The following IMMP2L variants were observed in gnomAD, a reference collection of about 807,000 sequenced individuals.
IMMP2L encodes mitochondrial inner membrane protease subunit 2.
A neutral mutation model predicts 19.3 loss-of-function variants in IMMP2L; 18 were observed. The ratio of observed to expected loss-of-function variants is 0.93; its 90% CI spans 0.64 to 1.38. The LOEUF (loss-of-function observed/expected upper bound fraction) is 1.38, where lower values mean the gene tolerates loss of function less well. Ranked by LOEUF, IMMP2L falls within the 40% of genes most tolerant of loss-of-function variation. IMMP2L has a pLI of 0.00. For missense variants in IMMP2L, 233 were observed against 218.2 expected (o/e 1.07, Z -0.43); for synonymous variants, 76 against 73.0 (o/e 1.04, Z -0.21).
At chr7:111,044,726 T>A (rs1792223820) in intron 3 of IMMP2L, among the ~76,000 whole-genome samples, 1 of 152,194 alleles carries the variant, frequency 6.6e-6, no homozygotes, top group East Asian at 1.9e-4. Context: ...GCATGACCAA[T>A]GGAAAGAAAC....
intron 3 of IMMP2L, among the ~76,000 whole-genome samples, chr7:111,368,772 T>C (rs1830017267): frequency 6.6e-6 from 1 of 151,992 alleles, no homozygotes; most frequent in Non-Finnish European, 1.5e-5. Context: ...TATAATCTTA[T>C]TTAGCAGTTC....
At chr7:110,791,694 C>T (rs145928411) in intron 5 of IMMP2L, among the ~76,000 whole-genome samples, 2 of 151,674 alleles carry the variant, frequency 1.3e-5, no homozygotes, top group South Asian at 4.2e-4. Flanking sequence ...ACAGTAAGCC[C>T]CCTAATACCT....
At chr7:110,943,924 C>T (rs1251474112) in intron 4 of IMMP2L, among the ~76,000 whole-genome samples, 2 of 151,930 alleles carry the variant, frequency 1.3e-5, no homozygotes, top group Non-Finnish European at 2.9e-5. Context: ...CCTTCAGCAA[C>T]ATGAAAAACT....
At chr7:111,264,440 T>C (rs1817628620) in intron 3 of IMMP2L, among the ~76,000 whole-genome samples, 2 of 152,184 alleles carry the variant, frequency 1.3e-5, no homozygotes, top group South Asian at 4.1e-4. Flanking sequence ...TTTTATTTTA[T>C]ACATACCCTT....
At chr7:111,121,571 C>G (rs2129588371) in intron 3 of IMMP2L, among the ~76,000 whole-genome samples, 1 of 152,234 alleles carries the variant, frequency 6.6e-6, no homozygotes, top group East Asian at 1.9e-4. Context: ...ATTAAAAAGT[C>G]AGGAAACAAC....
intron 3 of IMMP2L, among the ~76,000 whole-genome samples, chr7:111,349,284 G>C (rs1157024949): frequency 6.6e-6 from 1 of 151,898 alleles, no homozygotes; most frequent in Non-Finnish European, 1.5e-5. Context: ...AAATATGAAG[G>C]AGCACCTATG....
rs539790092 is a variant in IMMP2L, at chr7:110,941,473, C to T, written c.305+22027G>A. Among the ~76,000 whole-genome samples the T allele has an allele frequency of 7.2e-4, 109 of 152,128 alleles. No individual in the cohort carries two copies. In the Middle Eastern group the frequency reaches 0.014, roughly 19 times the overall value. On this transcript the variant is annotated intron_variant, in intron 4 of 5. Coordinates refer to ENST00000405709, the MANE Select transcript of IMMP2L (RefSeq NM_032549.4). Reference sequence around the variant, plus strand: ...AGACATCTCTTCAGTTATTAAGTAACGGTTTGAAATTCTTATAATTATATT... The same window carrying T: ...AGACATCTCTTCAGTTATTAAGTAATGGTTTGAAATTCTTATAATTATATT...
intron 5 of IMMP2L, among the ~76,000 whole-genome samples, chr7:110,737,108 A>G (rs1459558460): frequency 6.6e-6 from 1 of 152,192 alleles, no homozygotes; most frequent in Non-Finnish European, 1.5e-5. Flanking sequence ...CAGCCTGTAG[A>G]GACTCACATC....
At chr7:111,198,470 T>G (rs1269302578) in intron 3 of IMMP2L, among the ~76,000 whole-genome samples, 4 of 151,902 alleles carry the variant, frequency 2.6e-5, no homozygotes, top group Non-Finnish European at 4.4e-5. Context: ...GAACTCAAAG[T>G]TCCTACAACA....
chr7:111,420,130 CT>C (rs1264126087), intron 3 of IMMP2L, among the ~76,000 whole-genome samples: 1 of 151,726 alleles, frequency 6.6e-6, no homozygotes, highest in African/African-American at 2.4e-5. Context: ...TTCAATTGTT[CT>C]AATTATATTT....
At chr7:110,690,920 A>T (rs531133990) in intron 5 of IMMP2L, among the ~76,000 whole-genome samples, 6 of 152,146 alleles carry the variant, frequency 3.9e-5, no homozygotes, top group Non-Finnish European at 8.8e-5. Context: ...GATTGAATGC[A>T]ATCCACATCA....
chr7:111,074,437 C>T (rs376257883), intron 3 of IMMP2L, among the ~76,000 whole-genome samples: 6 of 152,184 alleles, frequency 3.9e-5, no homozygotes, highest in African/African-American at 7.2e-5. Context: ...TCTTAAGGTT[C>T]GGAGCAAAAC....
intron 1 of IMMP2L, among the ~76,000 whole-genome samples, chr7:111,549,883 G>A (rs1418226279): frequency 6.6e-6 from 1 of 151,178 alleles, no homozygotes; most frequent in Non-Finnish European, 1.5e-5. Flanking sequence ...AGAAGTTGCA[G>A]TGAGCCGAGA....
At chr7:111,310,232 C>CAAA (rs11418566) in intron 3 of IMMP2L, among the ~76,000 whole-genome samples, 3 of 134,704 alleles carry the variant, frequency 2.2e-5, no homozygotes, top group Admixed American at 7.6e-5. Flanking sequence ...GACTCCATCT[C>CAAA]AAAAAAAAAA....
At chr7:111,289,221 G>C (rs1820823288) in intron 3 of IMMP2L, among the ~76,000 whole-genome samples, 1 of 151,070 alleles carries the variant, frequency 6.6e-6, no homozygotes, top group African/African-American at 2.4e-5. Flanking sequence ...TGATCAATGA[G>C]AACACATGGA....
intron 3 of IMMP2L, among the ~76,000 whole-genome samples, chr7:111,435,934 C>T (rs900265073): frequency 1.3e-5 from 2 of 151,698 alleles, no homozygotes; most frequent in African/African-American, 4.9e-5. Context: ...TGTAGACAGC[C>T]AGCCTAGAAT....
chr7:111,242,552 A>G (rs996398592), intron 3 of IMMP2L, among the ~76,000 whole-genome samples: 1 of 152,070 alleles, frequency 6.6e-6, no homozygotes, highest in African/African-American at 2.4e-5. Flanking sequence ...CAATTCATTC[A>G]CCTGAACCAC....
intron 3 of IMMP2L, among the ~76,000 whole-genome samples, chr7:111,032,545 A>G (rs1330930478): frequency 6.6e-6 from 1 of 152,144 alleles, no homozygotes; most frequent in African/African-American, 2.4e-5. Context: ...AACAGGGCAG[A>G]GTCCAGTGGC....
At chr7:111,468,289 C>T (rs1400630403) in intron 3 of IMMP2L, among the ~76,000 whole-genome samples, 1 of 152,060 alleles carries the variant, frequency 6.6e-6, no homozygotes, top group Non-Finnish European at 1.5e-5. Context: ...TTAACCCTTG[C>T]TTCCCAACAA....
Sources: gnomAD v4.1 joint callset for allele counts (sites outside exome capture counted in the v4.1 genomes callset) on GRCh38, gnomAD v4.1.1 for gene constraint, MANE v1.5 for transcripts, NCBI Gene and HGNC (gene_info 2026-07-23, HGNC 2026-07-21) for gene names.